The following DENND1A variants were observed in gnomAD, a reference collection of about 807,000 sequenced individuals.
DENND1A encodes the protein DENN domain-containing protein 1A.
In DENND1A, 51 loss-of-function variants were observed where a neutral mutation model predicts 113.7. The ratio of observed to expected loss-of-function variants is 0.45; its 90% CI spans 0.36 to 0.57. DENND1A has a LOEUF of 0.57. Ranked by LOEUF, DENND1A falls within the 20% of genes least tolerant of loss-of-function variation. The pLI, the probability that DENND1A is intolerant of heterozygous loss-of-function variation, is 0.00. For synonymous variants in DENND1A, 565 were observed against 570.8 expected (o/e 0.99, Z 0.14); for missense variants, 1,258 against 1,395.9 (o/e 0.90, Z 1.57).
chr9:123,591,189 A>C (rs1430962152), intron 11 of DENND1A, among the ~76,000 whole-genome samples: 1 of 152,200 alleles, frequency 6.6e-6, no homozygotes, highest in African/African-American at 2.4e-5. Context: ...GGTTGTATGA[A>C]AACAATGGGA....
intron 5 of DENND1A, among the ~76,000 whole-genome samples, chr9:123,741,017 G>T (rs1403548509): frequency 6.6e-6 from 1 of 150,534 alleles, no homozygotes; most frequent in Non-Finnish European, 1.5e-5. Context: ...TACTTATGTA[G>T]AATCTACTAG....
intron 6 of DENND1A, among the ~76,000 whole-genome samples, chr9:123,673,304 T>C (rs1589611532): frequency 6.6e-6 from 1 of 152,216 alleles, no homozygotes; most frequent in Non-Finnish European, 1.5e-5. Flanking sequence ...CATGGGTCCA[T>C]AGTTTCCTGT....
chr9:123,561,313 C>G (rs111466257), intron 12 of DENND1A, among the ~76,000 whole-genome samples: 11 of 152,110 alleles, frequency 7.2e-5, no homozygotes, highest in East Asian at 3.9e-4. Context: ...TGAGCAAATA[C>G]GAGTGTGTCC....
intron 4 of DENND1A, among the ~76,000 whole-genome samples, chr9:123,760,242 A>G (rs2070923906): frequency 6.6e-6 from 1 of 152,214 alleles, no homozygotes; most frequent in African/African-American, 2.4e-5. Context: ...TAGAATTCTT[A>G]TTGAGTCTTT....
At chr9:123,412,534 A>T (rs182219910) in intron 19 of DENND1A, among the ~76,000 whole-genome samples, 18 of 152,342 alleles carry the variant, frequency 1.2e-4, no homozygotes, top group African/African-American at 4.3e-4. Flanking sequence ...CTGGGGAAAA[A>T]ATCTGCTCAA....
chr9:123,720,678 C>T (rs1407627782), intron 5 of DENND1A, among the ~76,000 whole-genome samples: 2 of 152,220 alleles, frequency 1.3e-5, no homozygotes, highest in Admixed American at 6.5e-5. Context: ...TCATTGCCAA[C>T]ACTGTCTCTT....
At chr9:123,386,786 G>A (rs757597013) in intron 22 of DENND1A, among the ~76,000 whole-genome samples, 1 of 152,176 alleles carries the variant, frequency 6.6e-6, no homozygotes, top group African/African-American at 2.4e-5. Flanking sequence ...ACCCTGTGGG[G>A]TCAATGACAG....
At chr9:123,855,755 T>C (rs956869636) in intron 2 of DENND1A, among the ~76,000 whole-genome samples, 10 of 152,060 alleles carry the variant, frequency 6.6e-5, no homozygotes, top group African/African-American at 2.4e-4. Context: ...ACCAATTAAG[T>C]GTCCAGGTGC....
chr9:123,472,540 T>G (rs2049514469), intron 13 of DENND1A, among the ~76,000 whole-genome samples: 1 of 152,156 alleles, frequency 6.6e-6, no homozygotes, highest in Non-Finnish European at 1.5e-5. Context: ...CCTCAGCATG[T>G]CCGGTACACC....
At chr9:123,899,636 T>C (rs889959043) in intron 1 of DENND1A, among the ~76,000 whole-genome samples, 5 of 152,232 alleles carry the variant, frequency 3.3e-5, no homozygotes, top group Non-Finnish European at 5.9e-5. Flanking sequence ...AAATATTTCA[T>C]AGTATTCCAC....
chr9:123,406,913 A>G (rs765116166), intron 20 of DENND1A, among the ~76,000 whole-genome samples: 4 of 152,142 alleles, frequency 2.6e-5, no homozygotes, highest in African/African-American at 4.8e-5. Flanking sequence ...CCTTGCTACA[A>G]TAAAGGCGGG....
chr9:123,609,547 T>C (rs762447725), intron 10 of DENND1A, 66 bp from the exon 11 acceptor site: 12 of 1,561,812 alleles, frequency 7.7e-6, no homozygotes, highest in Non-Finnish European at 1.0e-5. Context: ...AAATTACAGA[T>C]GGTTCACTAT....
chr9:123,767,236 G>T (rs1828962895), intron 4 of DENND1A, among the ~76,000 whole-genome samples: 1 of 151,874 alleles, frequency 6.6e-6, no homozygotes. Flanking sequence ...TTAGAGGTGG[G>T]GGAACAGAAA....
At chr9:123,659,665 A>G (rs933958004) in intron 8 of DENND1A, among the ~76,000 whole-genome samples, 1 of 152,222 alleles carries the variant, frequency 6.6e-6, no homozygotes, top group African/African-American at 2.4e-5. Context: ...CCTTTTGTAG[A>G]TAAGGACCTA....
At chr9:123,755,809 G>A (rs1259760924) in intron 5 of DENND1A, among the ~76,000 whole-genome samples, 5 of 152,142 alleles carry the variant, frequency 3.3e-5, no homozygotes, top group African/African-American at 1.2e-4. Context: ...CAGTATATAA[G>A]ACATGCAACA....
At chr9:123,767,208 T>C (rs1335336043) in intron 4 of DENND1A, among the ~76,000 whole-genome samples, 2 of 152,164 alleles carry the variant, frequency 1.3e-5, no homozygotes, top group Non-Finnish European at 2.9e-5. Context: ...ATCTCTTCTG[T>C]ATTAAAGTAT....
intron 13 of DENND1A, among the ~76,000 whole-genome samples, chr9:123,537,042 T>C (rs962893964): frequency 6.6e-6 from 1 of 152,144 alleles, no homozygotes; most frequent in Non-Finnish European, 1.5e-5. Context: ...TTGTACACAA[T>C]GACAGCATGC....
chr9:123,798,107 G>A (rs2132160441), intron 2 of DENND1A, among the ~76,000 whole-genome samples: 1 of 152,184 alleles, frequency 6.6e-6, no homozygotes, highest in South Asian at 2.1e-4. Flanking sequence ...TTAACCATGA[G>A]TCTAGTCTAC....
rs558668175 is a variant in DENND1A at position 123,825,744 on chromosome 9, G to C, written c.89-33114C>G. 5.3e-5 allele frequency among the ~76,000 whole-genome samples: 8 copies of C among 152,366 alleles called. No individual in the cohort carries two copies. In the South Asian group the frequency reaches 1.7e-3, roughly 32 times the overall value. On this transcript the variant is annotated intron_variant, in intron 2 of 23. Coordinates refer to ENST00000394215, the MANE Select transcript of DENND1A (RefSeq NM_001352964.2). ...TCACATGTAAAGTTTCATCCAGAAA[G>C]GAAGATGTGGTTGACTGTAATTTTG...
Sources: allele counts gnomAD v4.1 joint callset (sites outside exome capture counted in the v4.1 genomes callset), GRCh38; gene constraint gnomAD v4.1.1; transcripts MANE v1.5; gene names NCBI Gene and HGNC (gene_info 2026-07-23, HGNC 2026-07-21).